The following EHBP1 variants were observed in gnomAD, a reference collection of about 807,000 sequenced individuals.
EHBP1 encodes EH domain binding protein 1, also known as EH domain-binding protein 1.
In EHBP1, 55 loss-of-function variants were observed where a neutral mutation model predicts 144.0. The observed-to-expected ratio is 0.38, with a 90% CI of 0.31 to 0.48. The LOEUF (loss-of-function observed/expected upper bound fraction) is 0.48. Ranked by LOEUF, EHBP1 falls within the 20% of genes least tolerant of loss-of-function variation. The pLI is 0.98. For missense variants in EHBP1, 1,200 were observed against 1,364.2 expected, an observed-to-expected ratio of 0.88 and a Z score of 1.90; for synonymous variants, 469 against 472.7, an observed-to-expected ratio of 0.99 and a Z score of 0.10.
At position 62,963,065 on chromosome 2, in the gene EHBP1, T is replaced by C. The variant is rs1292237019; in HGVS notation, c.2460+7405T>C. Among the ~76,000 whole-genome samples the C allele has an allele frequency of 3.9e-5, 6 of 152,178 alleles. No individual in the cohort carries two copies. The East Asian group carries it at 1.2e-3, about 29-fold the overall frequency. On this transcript the variant is annotated intron_variant, in intron 14 of 22. Coordinates refer to ENST00000431489, the MANE Select transcript of EHBP1 (RefSeq NM_001142616.3). ...AAGACCTGAAGGAACGTTTGAATCC[T>C]CTAGAGAAAACAGTATACGTGGGAA...
intron 9 of EHBP1, among the ~76,000 whole-genome samples, chr2:62,865,549 G>A (rs1431693021): frequency 6.6e-6 from 1 of 152,150 alleles, no homozygotes; most frequent in African/African-American, 2.4e-5. Flanking sequence ...TAGCCCATGT[G>A]GCTACAGACC....
At chr2:62,988,632 CA>C (rs1277940787) in intron 15 of EHBP1, among the ~76,000 whole-genome samples, 6 of 152,062 alleles carry the variant, frequency 3.9e-5, no homozygotes, top group Non-Finnish European at 7.4e-5. Flanking sequence ...ATTTAAAATA[CA>C]AAGATATTTG....
chr2:62,807,827 T>G (rs2044635324), intron 5 of EHBP1, among the ~76,000 whole-genome samples: 1 of 152,184 alleles, frequency 6.6e-6, no homozygotes, highest in South Asian at 2.1e-4. Context: ...AACTTTAAAA[T>G]ATTTCACTCC....
At chr2:62,803,571 TTA>T (rs1252778079) in intron 5 of EHBP1, among the ~76,000 whole-genome samples, 15 of 152,236 alleles carry the variant, frequency 9.9e-5, no homozygotes, top group Admixed American at 3.9e-4. Context: ...GAGCATCTTG[TTA>T]TATGTTTATT....
At chr2:62,847,478 C>G (rs548592106) in intron 7 of EHBP1, among the ~76,000 whole-genome samples, 21 of 152,076 alleles carry the variant, frequency 1.4e-4, no homozygotes, top group Middle Eastern at 6.8e-3. Context: ...AAGCAATAAC[C>G]AGGAAGGAAA....
At chr2:62,800,107 G>T (rs899430874) in intron 5 of EHBP1, among the ~76,000 whole-genome samples, 1 of 152,088 alleles carries the variant, frequency 6.6e-6, no homozygotes, top group African/African-American at 2.4e-5. Flanking sequence ...TGGGTCTTTC[G>T]TCTCCACCTC....
chr2:62,906,407 C>G (rs2053815569), intron 10 of EHBP1, among the ~76,000 whole-genome samples: 3 of 152,058 alleles, frequency 2.0e-5, no homozygotes, highest in Admixed American at 2.0e-4. Context: ...TGCTCTTTTT[C>G]AAAGTTATCT....
At position 62,975,370 on chromosome 2, in the gene EHBP1, C is replaced by T. The variant is rs1056913784; in HGVS notation, c.2461-3818C>T. Among the ~76,000 whole-genome samples, 4 of 152,168 alleles carry T rather than the reference C, an allele frequency of 2.6e-5. No individual in the cohort carries two copies. In the East Asian group the frequency reaches 5.8e-4, roughly 22 times the overall value. The stretch of plus-strand genomic sequence containing the variant: ...GGCTCAGAAGAATTAAACTCTTCCT[C>T]TTATTGAGGGAATGGCAAGGTCACA... On this transcript the variant is annotated intron_variant, in intron 14 of 22. Transcript: ENST00000431489.
intron 14 of EHBP1, among the ~76,000 whole-genome samples, chr2:62,956,908 C>T (rs983540230): frequency 2.0e-5 from 3 of 152,136 alleles, no homozygotes; most frequent in Admixed American, 6.5e-5. Flanking sequence ...CTCTCTACTT[C>T]TCTAGTGTGG....
At chr2:62,766,502 A>G (rs1018308940) in intron 4 of EHBP1, among the ~76,000 whole-genome samples, 14 of 152,148 alleles carry the variant, frequency 9.2e-5, no homozygotes, top group African/African-American at 2.9e-4. Flanking sequence ...TTAGAGTGCA[A>G]TGTTGAGCCA....
chr2:62,752,278 T>G (rs907722059), intron 3 of EHBP1, among the ~76,000 whole-genome samples: 2 of 152,202 alleles, frequency 1.3e-5, no homozygotes, highest in South Asian at 2.1e-4. Context: ...TCAGTTTCCA[T>G]GTAGTTGAGC....
chr2:62,771,236 G>A, intron 4 of EHBP1, 103 bp from the exon 5 acceptor site: 1 of 666,514 alleles, frequency 1.5e-6, no homozygotes, highest in Non-Finnish European at 2.4e-6. Context: ...ATTTTTAAAA[G>A]CTAGTAAAAG....
chr2:62,730,849 G>A (rs1216835611), intron 2 of EHBP1, among the ~76,000 whole-genome samples: 2 of 4,896 alleles, frequency 4.1e-4, no homozygotes, highest in African/African-American at 9.3e-4. Context: ...GACGGAGAGA[G>A]AGAGACAGAC....
chr2:62,937,914 A>T lies in EHBP1; in HGVS notation c.1186-4804A>T, dbSNP rs549788735. On this transcript the variant is annotated intron_variant, in intron 10 of 22. Coordinates refer to ENST00000431489, the MANE Select transcript of EHBP1 (RefSeq NM_001142616.3). ...GTGCTTTAAGGAGAACGATGCTATG[A>T]CATGGGTTGGTTACCGAGGGGGGAT... 3.3e-5 allele frequency among the ~76,000 whole-genome samples: 5 copies of T among 152,302 alleles called. No homozygotes were observed. In the East Asian group the frequency reaches 9.6e-4, roughly 29 times the overall value.
chr2:62,714,940 A>G (rs928670772), intron 2 of EHBP1, among the ~76,000 whole-genome samples: 1 of 152,158 alleles, frequency 6.6e-6, no homozygotes, highest in Non-Finnish European at 1.5e-5. Flanking sequence ...AGCAAAATCA[A>G]TTCCTATGGT....
At chr2:62,699,685 A>G (rs931621591) in intron 1 of EHBP1, among the ~76,000 whole-genome samples, 1 of 152,260 alleles carries the variant, frequency 6.6e-6, no homozygotes, top group Non-Finnish European at 1.5e-5. Context: ...CTAACTGATC[A>G]ATGCCTATGC....
At chr2:62,790,389 C>T (rs1354228459) in intron 5 of EHBP1, among the ~76,000 whole-genome samples, 1 of 151,998 alleles carries the variant, frequency 6.6e-6, no homozygotes, top group Non-Finnish European at 1.5e-5. Context: ...TCCAGCAGTA[C>T]CTGTATCAGA....
intron 7 of EHBP1, among the ~76,000 whole-genome samples, chr2:62,856,435 A>G (rs556539607): frequency 3.3e-5 from 5 of 152,336 alleles, no homozygotes; most frequent in African/African-American, 9.6e-5. Flanking sequence ...GCTGGTGCCT[A>G]TGCCACACAT....
intron 3 of EHBP1, among the ~76,000 whole-genome samples, chr2:62,756,201 A>G (rs965467815): frequency 6.6e-6 from 1 of 152,166 alleles, no homozygotes; most frequent in Non-Finnish European, 1.5e-5. Flanking sequence ...AAGTTAGTCA[A>G]ATAATTTCTC....
Sources: allele counts gnomAD v4.1 joint callset (sites outside exome capture counted in the v4.1 genomes callset), GRCh38; gene constraint gnomAD v4.1.1; transcripts MANE v1.5; gene names NCBI Gene and HGNC (gene_info 2026-07-23, HGNC 2026-07-21).